FBXL3: variants seen among roughly 807,000 people sequenced by gnomAD.
The protein encoded by FBXL3 is F-box/LRR-repeat protein 3.
Under a neutral mutation model 37.9 loss-of-function variants are expected in FBXL3, and 14 were observed. That is an observed-to-expected ratio of 0.37 (90% CI 0.24 to 0.58). The LOEUF (loss-of-function observed/expected upper bound fraction) is 0.58, where lower values mean the gene tolerates loss of function less well. Ranked by LOEUF, FBXL3 falls within the 20% of genes least tolerant of loss-of-function variation. The pLI is 0.74. For missense variants in FBXL3, 327 were observed against 511.1 expected (o/e 0.64, Z 3.47); for synonymous variants, 194 against 180.1 (o/e 1.08, Z -0.62).
In FBXL3 at chr13:77,015,606, A is replaced by T. The variant is rs745716894; in HGVS notation, c.472-26T>A. 2.8e-6 allele frequency: 4 copies of T among 1,422,000 alleles called. No homozygotes were observed. The South Asian group carries it at 6.4e-5, about 23-fold the overall frequency. The allele number at this position is 1,422,000 out of a possible 1,614,324, so 88.1% of individuals were successfully genotyped here. A position where few individuals can be genotyped will look rare whatever the true frequency, so the allele number is the denominator to read the frequency against. On this transcript the variant is annotated intron_variant, in intron 3 of 4. Transcript: ENST00000355619. ...CTGAAAAGCAAAAAAAATAAAATAA[A>T]AATTATTTCAATTTTTAGAAATGAG...
chr13:77,021,909 G>T, intron 1 of FBXL3, 48 bp from the exon 2 acceptor site: 1 of 1,425,690 alleles, frequency 7.0e-7, no homozygotes, highest in Non-Finnish European at 9.5e-7. Context: ...CTTTTGAATA[G>T]AAATAAACTC....
In FBXL3 at chr13:77,007,048, T is replaced by A. The variant is rs1410135445; in HGVS notation, c.*97A>T. The A allele has an allele frequency of 2.0e-6, 3 of 1,469,838 alleles. No individual in the cohort carries two copies. The highest frequency in any genetic ancestry group is 2.7e-6 in the Non-Finnish European group (3 of 1,118,126). 91.0% of individuals were successfully genotyped at this position (1,469,838 alleles called of 1,614,324 possible). ...ACTGACTGAAGATATCAAATTTCTGTGCCACAAAATAGTAGAATTATATCA... is the reference window on the plus strand; with the variant it reads ...ACTGACTGAAGATATCAAATTTCTGAGCCACAAAATAGTAGAATTATATCA... On this transcript the variant is annotated 3_prime_UTR_variant, in exon 5 of 5. Transcript: ENST00000355619.
chr13:77,017,408 A>G (rs1264179992), intron 3 of FBXL3: 3 of 152,184 alleles, frequency 2.0e-5, no homozygotes, highest in Non-Finnish European at 4.4e-5. Flanking sequence ...TTCATTTCCT[A>G]TTTGAAGCTT....
At chr13:77,016,974 A>G (rs1254225957) in intron 3 of FBXL3, 1 of 152,222 alleles carries the variant, frequency 6.6e-6, no homozygotes, top group Non-Finnish European at 1.5e-5. Context: ...AAACTCAATT[A>G]TATCTTGTAC....
chr13:77,007,373 G>A lies in FBXL3; in HGVS notation c.1059C>T (p.Arg353=). The change falls in exon 5 of 5, where the codon CGC becomes CGT. Residue 353 remains arginine, a synonymous_variant. Transcript: ENST00000355619. The part of the protein sequence containing the change: ...GLRPLDEELI[R]IAERCKNLSA... ...ACAAATTTTTGCAACGTTCTGCAAT[G>A]CGAATTAACTCTTCATCAAGTGGCC... The A allele has an allele frequency of 6.2e-7, 1 of 1,614,124 alleles. No homozygotes were observed. Among genetic ancestry groups the A allele is most frequent in the Non-Finnish European group, 8.5e-7 (1 of 1,180,022 alleles).
In FBXL3 at chr13:77,018,695, C is replaced by A; in HGVS notation, c.376G>T (p.Ala126Ser). ...KVDSSKESAE[A>S]ACDILSQLVN... ...AGTTGCGATAGTATATCACAAGCTG[C>A]TTCAGCTGATTCCTTGCTGCTGTCC... The change falls in exon 3 of 5, where the codon GCA becomes TCA. Residue 126 changes from alanine (A) to serine (S), a missense_variant. By Grantham distance (99) the Ala-to-Ser change is moderately conservative (BLOSUM62 1). Transcript: ENST00000355619. 6.3e-7 allele frequency: 1 copy of A among 1,589,572 alleles called. No homozygotes were observed. Among genetic ancestry groups the A allele is most frequent in the South Asian group, 1.2e-5 (1 of 85,822 alleles).
chr13:77,021,946 G>A, intron 1 of FBXL3, 85 bp from the exon 2 acceptor site: 5 of 1,110,482 alleles, frequency 4.5e-6, no homozygotes, highest in Non-Finnish European at 6.5e-6. Flanking sequence ...TCACTGAGAT[G>A]TGTGTTTATA....
intron 4 of FBXL3, chr13:77,014,394 G>A (rs2034608385): frequency 6.6e-6 from 1 of 152,198 alleles, no homozygotes; most frequent in African/African-American, 2.4e-5. Context: ...TGTAATCAAG[G>A]TCATATAAGA....
chr13:77,007,889 T>A, intron 4 of FBXL3, 101 bp from the exon 5 acceptor site: 1 of 917,588 alleles, frequency 1.1e-6, no homozygotes, highest in Non-Finnish European at 1.6e-6. Context: ...ACAGTTCCCT[T>A]ACCACAAAAC....
chr13:77,015,547 C>T lies in FBXL3; in HGVS notation c.505G>A (p.Val169Ile), dbSNP rs201531118. 5.0e-6 allele frequency: 8 copies of T among 1,595,270 alleles called. No individual in the cohort carries two copies. The highest frequency in any genetic ancestry group is 1.7e-5 in the Admixed American group (1 of 57,240). The change falls in exon 4 of 5, where the codon GTA becomes ATA. Residue 169 changes from valine (V) to isoleucine (I), a missense_variant. Coordinates refer to ENST00000355619, the MANE Select transcript of FBXL3 (RefSeq NM_012158.4). ...HFISALTVVF[V>I]NSKSLSSLKI... ...AGCGAAGACAGGGATTTGGAGTTTA[C>T]GAACACAACTGTCAGTGCAGAGATA...
chr13:77,027,061 C>G lies in FBXL3; in HGVS notation c.-236G>C, dbSNP rs907404496. The G allele has an allele frequency of 1.3e-5, 2 of 152,020 alleles. No individual in the cohort carries two copies. The highest frequency in any genetic ancestry group is 4.8e-5 in the African/African-American group (2 of 41,412). The allele number at this position is 152,020 out of a possible 1,614,324, so 9.4% of individuals were successfully genotyped here. A position where few individuals can be genotyped will look rare whatever the true frequency, so the allele number is the denominator to read the frequency against. Reference sequence around the variant, plus strand: ...AGAAGCTTTCCTTCTCAGTCCCGCGCTGTCTGTGTTCAGGGATCCCCGGCG... The same window carrying G: ...AGAAGCTTTCCTTCTCAGTCCCGCGGTGTCTGTGTTCAGGGATCCCCGGCG... On this transcript the variant is annotated 5_prime_UTR_variant, in exon 1 of 5. Transcript: ENST00000355619.
intron 3 of FBXL3, 36 bp from the exon 4 acceptor site, chr13:77,015,616 A>C: frequency 7.3e-7 from 1 of 1,361,622 alleles, no homozygotes; most frequent in Non-Finnish European, 9.7e-7. Context: ...AAATTATTTC[A>C]ATTTTTAGAA....
chr13:77,022,016 T>C (rs779751603), intron 1 of FBXL3, among the ~76,000 whole-genome samples, 155 bp from the exon 2 acceptor site: 41 of 152,210 alleles, frequency 2.7e-4, no homozygotes, highest in Non-Finnish European at 3.1e-4. Context: ...CAAACTATTA[T>C]GAAAAATGCC....
intron 4 of FBXL3, chr13:77,014,647 T>C (rs1456823152): frequency 2.6e-5 from 4 of 152,232 alleles, no homozygotes; most frequent in South Asian, 2.1e-4. Context: ...GGAAGTGTTT[T>C]TGTAAAGATC....
intron 1 of FBXL3, among the ~76,000 whole-genome samples, chr13:77,025,497 C>T (rs1215557803): frequency 6.6e-6 from 1 of 151,928 alleles, no homozygotes; most frequent in Non-Finnish European, 1.5e-5. Context: ...ACAAGGCGGG[C>T]GGATCGCTTG....
intron 2 of FBXL3, 24 bp from the exon 3 acceptor site, chr13:77,018,746 T>G: frequency 6.6e-7 from 1 of 1,509,124 alleles, no homozygotes; most frequent in East Asian, 2.4e-5. Flanking sequence ...CACCGTTTAC[T>G]CATGAATATT....
intron 3 of FBXL3, 176 bp downstream of exon 3, chr13:77,018,424 A>T (rs2034682679): frequency 8.4e-5 from 18 of 215,476 alleles, no homozygotes; most frequent in East Asian, 3.8e-4. Context: ...GGTGATTTAA[A>T]AAAAAAAAAA....
intron 2 of FBXL3, among the ~76,000 whole-genome samples, chr13:77,020,288 C>A (rs1228347970): frequency 1.3e-5 from 2 of 152,174 alleles, no homozygotes; most frequent in Non-Finnish European, 2.9e-5. Flanking sequence ...ATCCGAAATT[C>A]AAATTTAAAT....
At chr13:77,025,226 C>G (rs1272386048) in intron 1 of FBXL3, among the ~76,000 whole-genome samples, 1 of 152,176 alleles carries the variant, frequency 6.6e-6, no homozygotes, top group Admixed American at 6.5e-5. Context: ...CTCTAGAAAT[C>G]TAGAGCACCA....
Sources: gnomAD v4.1 joint callset for allele counts (sites outside exome capture counted in the v4.1 genomes callset) on GRCh38, gnomAD v4.1.1 for gene constraint, MANE v1.5 for transcripts, NCBI Gene and HGNC (gene_info 2026-07-23, HGNC 2026-07-21) for gene names.